The following NBEA variants were observed in gnomAD, a reference collection of about 807,000 sequenced individuals.
NBEA encodes lysosomal-trafficking regulator 2.
NBEA carries 44 observed loss-of-function variants against 343.4 expected under a neutral mutation model. That is an observed-to-expected ratio of 0.13 (90% CI 0.10 to 0.16). NBEA has a LOEUF of 0.16. Among genes scored for constraint, NBEA ranks in the 10% least tolerant of loss-of-function variants. The pLI, the probability that NBEA is intolerant of heterozygous loss-of-function variation, is 1.00. For missense variants in NBEA, 2,555 were observed against 3,631.3 expected (o/e 0.70, Z 7.62); for synonymous variants, 1,175 against 1,238.7 (o/e 0.95, Z 1.08).
chr13:35,647,997 T>G (rs910567980), intron 51 of NBEA, among the ~76,000 whole-genome samples: 2 of 151,996 alleles, frequency 1.3e-5, no homozygotes, highest in African/African-American at 2.4e-5. Context: ...TTCCTCAGTC[T>G]TCCTAGTAGC....
At chr13:35,567,058 C>A in intron 45 of NBEA, 41 bp downstream of exon 45, 1 of 1,068,978 alleles carries the variant, frequency 9.4e-7, no homozygotes, top group Non-Finnish European at 1.4e-6. Flanking sequence ...CTTCATAAGG[C>A]TATAGTCTAA....
chr13:35,024,619 G>C (rs2061956436), intron 1 of NBEA, among the ~76,000 whole-genome samples: 1 of 152,118 alleles, frequency 6.6e-6, no homozygotes, highest in African/African-American at 2.4e-5. Flanking sequence ...GGCGGAGTTT[G>C]CAGTGAGCTG....
intron 51 of NBEA, among the ~76,000 whole-genome samples, chr13:35,646,853 A>G (rs533062276): frequency 6.6e-6 from 1 of 152,316 alleles, no homozygotes; most frequent in South Asian, 2.1e-4. Context: ...GGCAAACACC[A>G]TCTCTGCACT....
At chr13:35,058,488 G>A (rs1243636129) in intron 7 of NBEA, among the ~76,000 whole-genome samples, 3 of 151,952 alleles carry the variant, frequency 2.0e-5, no homozygotes, top group Non-Finnish European at 4.4e-5. Flanking sequence ...AGATTAAGTA[G>A]GTGGCTATTG....
chr13:35,503,497 A>G (rs1000848209), intron 41 of NBEA, among the ~76,000 whole-genome samples: 1 of 151,946 alleles, frequency 6.6e-6, no homozygotes, highest in Non-Finnish European at 1.5e-5. Context: ...CATTGTATGA[A>G]TACCATATAT....
intron 42 of NBEA, 144 bp downstream of exon 42, chr13:35,550,738 A>C (rs2079280155): frequency 1.5e-6 from 1 of 686,748 alleles, no homozygotes; most frequent in Non-Finnish European, 2.4e-6. Flanking sequence ...TAAAAAATAA[A>C]AAAAGAATGA....
Position 35,161,740 on chromosome 13 carries a change from C to G in NBEA, c.3862-10C>G, listed in dbSNP as rs1328919743. The stretch of plus-strand genomic sequence containing the variant: ...TGTATTCCACAAAAGTTCATCTTTT[C>G]CTTCTTTAGGCTGTGCAGGGTCGGT... On this transcript the variant is annotated splice_polypyrimidine_tract_variant and intron_variant, in intron 22 of 58. Transcript: ENST00000379939. The G allele has an allele frequency of 6.3e-7, 1 of 1,597,104 alleles. No homozygotes were observed. Among genetic ancestry groups the G allele is most frequent in the Admixed American group, 1.7e-5 (1 of 57,742 alleles).
chr13:35,320,036 A>T (rs548526267), intron 36 of NBEA, among the ~76,000 whole-genome samples: 2 of 151,526 alleles, frequency 1.3e-5, no homozygotes, highest in South Asian at 4.2e-4. Flanking sequence ...ATGGGTCGTG[A>T]CTCTTTATCA....
intron 49 of NBEA, among the ~76,000 whole-genome samples, chr13:35,638,353 A>G (rs759158067): frequency 2.0e-5 from 3 of 152,186 alleles, no homozygotes; most frequent in Non-Finnish European, 4.4e-5. Context: ...GGTAAAGTGG[A>G]TGAACAAGGG....
intron 38 of NBEA, among the ~76,000 whole-genome samples, chr13:35,403,233 A>G (rs2043080099): frequency 1.3e-5 from 2 of 151,990 alleles, no homozygotes; most frequent in South Asian, 4.1e-4. Flanking sequence ...TTTCTTTGAA[A>G]TAGTTATTAA....
intron 41 of NBEA, among the ~76,000 whole-genome samples, chr13:35,535,992 T>A (rs2078521236): frequency 6.6e-6 from 1 of 152,156 alleles, no homozygotes; most frequent in South Asian, 2.1e-4. Context: ...GAGGTTATGT[T>A]TCATTCTACC....
chr13:35,391,957 A>G (rs778410243), intron 38 of NBEA, among the ~76,000 whole-genome samples: 5 of 152,132 alleles, frequency 3.3e-5, no homozygotes, highest in African/African-American at 2.4e-5. Flanking sequence ...TACCACACAT[A>G]TAGTGCTACT....
chr13:35,451,168 G>GGCTGGA (rs949064544), intron 39 of NBEA, among the ~76,000 whole-genome samples: 37 of 152,260 alleles, frequency 2.4e-4, no homozygotes, highest in African/African-American at 6.3e-4. Context: ...CTGTCGCCCA[G>GGCTGGA]GCTGGAGTGC....
At chr13:35,567,103 T>C (rs1470014430) in intron 45 of NBEA, 86 bp downstream of exon 45, 1 of 640,626 alleles carries the variant, frequency 1.6e-6, no homozygotes, top group African/African-American at 1.8e-5. Flanking sequence ...AGCCAGTTAA[T>C]GTTTGTAAGA....
At position 35,640,169 on chromosome 13, in the gene NBEA, A is replaced by G. The variant is rs1011013403; in HGVS notation, c.7618-5700A>G. ...TTTTATATGAATAAGCAAATGTGCAACACATAAGCACACATTATATTTATC... is the reference window on the plus strand; with the variant it reads ...TTTTATATGAATAAGCAAATGTGCAGCACATAAGCACACATTATATTTATC... On this transcript the variant is annotated intron_variant, in intron 49 of 58. Transcript: ENST00000379939. Among the ~76,000 whole-genome samples the G allele has an allele frequency of 2.6e-5, 4 of 152,240 alleles. No homozygotes were observed. The East Asian group carries it at 7.7e-4, about 29-fold the overall frequency.
chr13:35,664,546 G>A (rs1489289965), intron 55 of NBEA, among the ~76,000 whole-genome samples: 2 of 152,222 alleles, frequency 1.3e-5, no homozygotes, highest in Non-Finnish European at 2.9e-5. Flanking sequence ...ATTTATGAAA[G>A]CAGTTAGCAG....
chr13:35,048,419 C>T (rs1375162660), intron 4 of NBEA, 144 bp from the exon 5 acceptor site: 1 of 688,230 alleles, frequency 1.5e-6, no homozygotes, highest in South Asian at 2.5e-5. Flanking sequence ...TAATAAAATA[C>T]TAGCTCTTAT....
At chr13:35,367,283 A>G (rs1187523857) in intron 38 of NBEA, among the ~76,000 whole-genome samples, 1 of 151,344 alleles carries the variant, frequency 6.6e-6, no homozygotes, top group Non-Finnish European at 1.5e-5. Flanking sequence ...ACTATGATGT[A>G]TAAGTCCGCA....
Position 34,983,426 on chromosome 13 carries a change from A to T in NBEA, c.294+40312A>T, listed in dbSNP as rs370600792. On this transcript the variant is annotated intron_variant, in intron 1 of 58. Coordinates refer to ENST00000379939, the MANE Select transcript of NBEA (RefSeq NM_001385012.1). ...ATTTTCTTAATCCAGTCTATCATTGATGGACATTTGGGTTGGTTCTAAGTC... is the reference window on the plus strand; with the variant it reads ...ATTTTCTTAATCCAGTCTATCATTGTTGGACATTTGGGTTGGTTCTAAGTC... Among the ~76,000 whole-genome samples, 21 of 152,216 alleles carry T rather than the reference A, an allele frequency of 1.4e-4. No homozygotes were observed. In the East Asian group the frequency reaches 3.9e-3, roughly 28 times the overall value.
Sources: gnomAD v4.1 joint callset for allele counts (sites outside exome capture counted in the v4.1 genomes callset) on GRCh38, gnomAD v4.1.1 for gene constraint, MANE v1.5 for transcripts, NCBI Gene and HGNC (gene_info 2026-07-23, HGNC 2026-07-21) for gene names.